Variants in ZNF879 observed in about 807,000 individuals in gnomAD.
ZNF879 encodes zinc finger protein 879.
ZNF879 carries 32 observed loss-of-function variants against 44.3 expected under a neutral mutation model. The ratio of observed to expected loss-of-function variants is 0.72; its 90% CI spans 0.54 to 0.97. ZNF879 has a LOEUF of 0.97. ZNF879 is among the 50% of genes least tolerant of loss of function. ZNF879 has a pLI of 0.00. For missense variants in ZNF879, 621 were observed against 669.7 expected (o/e 0.93, Z 0.80); for synonymous variants, 234 against 233.2 (o/e 1.00, Z -0.03).
Position 179,032,226 on chromosome 5 carries a change from C to T in ZNF879, c.278C>T (p.Thr93Ile). 6.6e-7 allele frequency: 1 copy of T among 1,522,490 alleles called. No individual in the cohort carries two copies. The highest frequency in any genetic ancestry group is 8.8e-7 in the Non-Finnish European group (1 of 1,137,736). The allele number at this position is 1,522,490 out of a possible 1,614,324, so 94.3% of individuals were successfully genotyped here. The change falls in exon 5 of 5, where the codon ACC (threonine) becomes ATC (isoleucine). Residue 93 changes from threonine to isoleucine, a missense_variant. Physicochemically the swap from Thr to Ile is moderately conservative, Grantham distance 89 (BLOSUM62 -1). Coordinates refer to ENST00000444149, the MANE Select transcript of ZNF879 (RefSeq NM_001136116.3). ...AHLGWESLFG[T>I]IVSKEENQEV... ...TTAGGATGGGAAAGCTTGTTTGGAACCATAGTTTCTAAAGAAGAAAATCAG... is the reference window on the plus strand; with the variant it reads ...TTAGGATGGGAAAGCTTGTTTGGAATCATAGTTTCTAAAGAAGAAAATCAG...
intron 4 of ZNF879, among the ~76,000 whole-genome samples, chr5:179,030,347 G>C (rs562313851): frequency 6.6e-6 from 1 of 152,190 alleles, no homozygotes; most frequent in Non-Finnish European, 1.5e-5. Flanking sequence ...ACTGTGCAGA[G>C]TTACAAAGAT....
chr5:179,033,106 C>T lies in ZNF879; in HGVS notation c.1158C>T (p.Ala386=), dbSNP rs1307540338. ...GAAAAGTATTCAGCTATCACTCAGC[C>T]CTTATCATACATCAGAGAATTCACA... ...ECGKVFSYHS[A]LIIHQRIHTG... is the part of the protein sequence containing the mutation. Residue 386 remains alanine (A), a synonymous_variant, in exon 5 of 5, where the codon GCC becomes GCT. Transcript: ENST00000444149. 1.3e-6 allele frequency: 2 copies of T among 1,576,088 alleles called. No individual in the cohort carries two copies. Among genetic ancestry groups the T allele is most frequent in the Non-Finnish European group, 1.7e-6 (2 of 1,160,854 alleles).
At chr5:179,030,081 A>C (rs1362193411) in intron 4 of ZNF879, among the ~76,000 whole-genome samples, 2 of 152,246 alleles carry the variant, frequency 1.3e-5, no homozygotes, top group African/African-American at 4.8e-5. Flanking sequence ...CATGTGGATT[A>C]AAAATCCACA....
At chr5:179,031,105 C>T (rs1043552537) in intron 4 of ZNF879, among the ~76,000 whole-genome samples, 15 of 152,344 alleles carry the variant, frequency 9.8e-5, no homozygotes, top group African/African-American at 2.6e-4. Context: ...AAGAGTGCAG[C>T]GGCCTCATTG....
In ZNF879 at chr5:179,034,336, GTGATTACCTT is replaced by G. The variant is rs1181690594; in HGVS notation, c.*699_*708del. The G allele has an allele frequency of 3.3e-5, 5 of 152,214 alleles. No individual in the cohort carries two copies. The highest frequency in any genetic ancestry group is 7.3e-5 in the Non-Finnish European group (5 of 68,032). 9.4% of individuals were successfully genotyped at this position (152,214 alleles called of 1,614,324 possible). On this transcript the variant is annotated 3_prime_UTR_variant, in exon 5 of 5. Transcript: ENST00000444149. ...ATTTCACTTGTTTTTCTCATTAAAA[GTGATTACCTT>G]TGCTGTATTAAATTGATAAGTAAAG...
Position 179,023,923 on chromosome 5 carries a change from G to A in ZNF879, c.-36+19G>A, listed in dbSNP as rs1761178382. 1 of 152,602 alleles carries A rather than the reference G, an allele frequency of 6.6e-6. No individual in the cohort carries two copies. The highest frequency in any genetic ancestry group is 1.5e-5 in the Non-Finnish European group (1 of 68,378). The allele number at this position is 152,602 out of a possible 1,614,324, so 9.5% of individuals were successfully genotyped here. A position where few individuals can be genotyped will look rare whatever the true frequency, so the allele number is the denominator to read the frequency against. Reference sequence around the variant, plus strand: ...GGCCCAGGTACAGGCTGCCGGTGAGGGCGGGCCCGGGGCGTGCGGCTGCCG... The same window carrying A: ...GGCCCAGGTACAGGCTGCCGGTGAGAGCGGGCCCGGGGCGTGCGGCTGCCG... On this transcript the variant is annotated intron_variant, in intron 1 of 4. Transcript: ENST00000444149.
At chr5:179,025,506 T>C (rs1164792551) in intron 2 of ZNF879, among the ~76,000 whole-genome samples, 1 of 152,154 alleles carries the variant, frequency 6.6e-6, no homozygotes, top group Non-Finnish European at 1.5e-5. Flanking sequence ...CTCATGCTTT[T>C]TGACAAAGAA....
rs1306557044 is a variant in ZNF879, at chr5:179,025,036, A to C, written c.32A>C (p.Gln11Pro). Residue 11 changes from glutamine to proline, a missense_variant and splice_region_variant, in exon 2 of 5, where the codon CAG becomes CCG. Transcript: ENST00000444149. The stretch of plus-strand genomic sequence containing the variant: ...AGGAGGTTGCTGCCAGCCCATGTAC[A>C]GGTGAGTGAAGGCTTCTTTTTGCTT... The part of the protein sequence containing the change: MARRLLPAHV[Q>P]ESVTFRDVAV... 6 of 1,551,516 alleles carry C rather than the reference A, an allele frequency of 3.9e-6. No homozygotes were observed. The East Asian group carries it at 1.5e-4, about 38-fold the overall frequency.
Position 179,033,512 on chromosome 5 carries a change from A to G in ZNF879, c.1564A>G (p.Arg522Gly), listed in dbSNP as rs190121891. Reference sequence around the variant, plus strand: ...TTGTAAAGTGTGTGGGAAAGCCTTCAGACAGAGTTCATCCCTTATGACACA... The same window carrying G: ...TTGTAAAGTGTGTGGGAAAGCCTTCGGACAGAGTTCATCCCTTATGACACA... ...YNCKVCGKAF[R>G]QSSSLMTHMR... The change falls in exon 5 of 5, where the codon AGA (arginine) becomes GGA (glycine). Residue 522 changes from arginine to glycine, a missense_variant. By Grantham distance (125) the Arg-to-Gly change is moderately radical. Coordinates refer to ENST00000444149, the MANE Select transcript of ZNF879 (RefSeq NM_001136116.3). 833 of 1,558,000 alleles carry G rather than the reference A, an allele frequency of 5.3e-4. 1 individual carries two copies. The highest frequency in any genetic ancestry group is 6.9e-4 in the Non-Finnish European group (793 of 1,150,892).
At position 179,033,239 on chromosome 5, in the gene ZNF879, A is replaced by G. The variant is rs376464480; in HGVS notation, c.1291A>G (p.Asn431Asp). ...CACTGGAGAAAAACCCTACAAATGTAATGAATGTGGGAAAGCCTTCTCTTG... is the reference window on the plus strand; with the variant it reads ...CACTGGAGAAAAACCCTACAAATGTGATGAATGTGGGAAAGCCTTCTCTTG... ...IHTGEKPYKC[N>D]ECGKAFSWIS... is the part of the protein sequence containing the mutation. The change falls in exon 5 of 5, where the codon AAT becomes GAT. Residue 431 changes from asparagine to aspartate, a missense_variant. Physicochemically the swap from Asn to Asp is conservative, Grantham distance 23 (BLOSUM62 1). Transcript: ENST00000444149. 1.3e-6 allele frequency: 2 copies of G among 1,592,670 alleles called. No homozygotes were observed. The highest frequency in any genetic ancestry group is 1.8e-5 in the Admixed American group (1 of 56,648).
chr5:179,032,918 G>T lies in ZNF879; in HGVS notation c.970G>T (p.Ala324Ser), dbSNP rs1761471807. The change falls in exon 5 of 5, where the codon GCC becomes TCC. Residue 324 changes from alanine to serine, a missense_variant. Coordinates refer to ENST00000444149, the MANE Select transcript of ZNF879 (RefSeq NM_001136116.3). Reference sequence around the variant, plus strand: ...CTATAAGTGTAATGAATGTGGGAGGGCCTTCAGTCAGTGCTCATCTCTCAT... The same window carrying T: ...CTATAAGTGTAATGAATGTGGGAGGTCCTTCAGTCAGTGCTCATCTCTCAT... ...KPYKCNECGRAFSQCSSLIQH... is the reference protein window; with the variant it reads ...KPYKCNECGRSFSQCSSLIQH... 2 of 1,568,638 alleles carry T rather than the reference G, an allele frequency of 1.3e-6. No homozygotes were observed. The highest frequency in any genetic ancestry group is 1.7e-6 in the Non-Finnish European group (2 of 1,156,774).
chr5:179,032,924 A>C lies in ZNF879; in HGVS notation c.976A>C (p.Ser326Arg), dbSNP rs747612026. 3.8e-5 allele frequency: 59 copies of C among 1,566,960 alleles called. No homozygotes were observed. The highest frequency in any genetic ancestry group is 5.1e-5 in the Non-Finnish European group (59 of 1,155,892). ...GTGTAATGAATGTGGGAGGGCCTTC[A>C]GTCAGTGCTCATCTCTCATTCAGCA... ...YKCNECGRAFSQCSSLIQHHR... is the reference protein window; with the variant it reads ...YKCNECGRAFRQCSSLIQHHR... Residue 326 changes from serine to arginine, a missense_variant, in exon 5 of 5, where the codon AGT becomes CGT. Transcript: ENST00000444149.
chr5:179,033,421 A>C lies in ZNF879; in HGVS notation c.1473A>C (p.Lys491Asn). ...CTTATAAATGTAATGACTGTGAGAA[A>C]GCCTTCAACCAAAGCTCAGCTCTAA... Reference protein sequence around the residue: ...EKPYKCNDCEKAFNQSSALIQ... With the variant: ...EKPYKCNDCENAFNQSSALIQ... The change falls in exon 5 of 5, where the codon AAA becomes AAC. Residue 491 changes from lysine (K) to asparagine (N), a missense_variant. Coordinates refer to ENST00000444149, the MANE Select transcript of ZNF879 (RefSeq NM_001136116.3). The C allele has an allele frequency of 6.4e-7, 1 of 1,561,380 alleles. No homozygotes were observed. The highest frequency in any genetic ancestry group is 8.7e-7 in the Non-Finnish European group (1 of 1,152,746).
At position 179,027,499 on chromosome 5, in the gene ZNF879, C is replaced by G; in HGVS notation, c.60C>G (p.Ala20=). ...VQESVTFRDV[A]VFFSQDEWLH... ...AGTCCGTGACGTTCAGGGATGTGGC[C>G]GTGTTCTTCAGCCAGGACGAGTGGT... Residue 20 remains alanine (A), a synonymous_variant, in exon 3 of 5, where the codon GCC becomes GCG. Coordinates refer to ENST00000444149, the MANE Select transcript of ZNF879 (RefSeq NM_001136116.3). 1.2e-6 allele frequency: 2 copies of G among 1,614,050 alleles called. No individual in the cohort carries two copies. Among genetic ancestry groups the G allele is most frequent in the Non-Finnish European group, 1.7e-6 (2 of 1,180,006 alleles).
intron 2 of ZNF879, among the ~76,000 whole-genome samples, chr5:179,026,412 G>C (rs180816993): frequency 5.9e-5 from 9 of 152,342 alleles, no homozygotes; most frequent in Non-Finnish European, 7.3e-5. Flanking sequence ...TAGAAAGTTA[G>C]ATGAGCACTT....
chr5:179,033,991 A>T lies in ZNF879; in HGVS notation c.*351A>T, dbSNP rs1761513820. 1 of 176,288 alleles carries T rather than the reference A, an allele frequency of 5.7e-6. No homozygotes were observed. The allele number at this position is 176,288 out of a possible 1,614,324, so 10.9% of individuals were successfully genotyped here. On this transcript the variant is annotated 3_prime_UTR_variant, in exon 5 of 5. Transcript: ENST00000444149. ...GTACAAGTACAGCCATAAAATCCAGACACAGATAAATCTAGGAATCTATTT... is the reference window on the plus strand; with the variant it reads ...GTACAAGTACAGCCATAAAATCCAGTCACAGATAAATCTAGGAATCTATTT...
At chr5:179,031,116 C>T (rs905919811) in intron 4 of ZNF879, among the ~76,000 whole-genome samples, 2 of 152,208 alleles carry the variant, frequency 1.3e-5, no homozygotes, top group African/African-American at 4.8e-5. Context: ...GGCCTCATTG[C>T]CTGTTCTGCA....
chr5:179,024,662 ATTAC>A, intron 1 of ZNF879: 1 of 280,098 alleles, frequency 3.6e-6, no homozygotes, highest in Non-Finnish European at 6.8e-6. Context: ...GTCATTTCCT[ATTAC>A]TTTATCTGAA....
rs1169817085 is a variant in ZNF879 at position 179,032,614 on chromosome 5, C to T, written c.666C>T (p.His222=). ...IFLHSSSLSK[H]QRIHTGEKLY... Reference sequence around the variant, plus strand: ...TCCACAGTTCCTCCCTGAGTAAACACCAGAGAATCCACACTGGAGAGAAGC... The same window carrying T: ...TCCACAGTTCCTCCCTGAGTAAACATCAGAGAATCCACACTGGAGAGAAGC... Residue 222 remains histidine (H), a synonymous_variant, in exon 5 of 5, where the codon CAC becomes CAT. Transcript: ENST00000444149. 6.4e-7 allele frequency: 1 copy of T among 1,564,952 alleles called. No individual in the cohort carries two copies. The highest frequency in any genetic ancestry group is 8.7e-7 in the Non-Finnish European group (1 of 1,154,822).
Sources: gnomAD v4.1 joint callset for allele counts (sites outside exome capture counted in the v4.1 genomes callset) on GRCh38, gnomAD v4.1.1 for gene constraint, MANE v1.5 for transcripts, NCBI Gene and HGNC (gene_info 2026-07-23, HGNC 2026-07-21) for gene names.